The following MROH9 variants were observed in gnomAD, a reference collection of about 807,000 sequenced individuals.
The protein encoded by MROH9 is maestro heat like repeat family member 9, also known as maestro heat-like repeat-containing protein family member 9.
Under a neutral mutation model 98.2 loss-of-function variants are expected in MROH9, and 92 were observed. The ratio of observed to expected loss-of-function variants is 0.94; its 90% CI spans 0.79 to 1.11. MROH9 has a LOEUF of 1.11. MROH9 is among the 50% of genes most tolerant of loss of function. The probability of loss-of-function intolerance (pLI) is 0.00; values close to 1 mark genes in which losing one functional copy is unlikely to be tolerated. For missense variants in MROH9, 1,057 were observed against 1,014.8 expected, an observed-to-expected ratio of 1.04 and a Z score of -0.57; for synonymous variants, 397 against 368.9, an observed-to-expected ratio of 1.08 and a Z score of -0.87.
At chr1:171,014,597 C>T (rs1163104557) in intron 16 of MROH9, among the ~76,000 whole-genome samples, 2 of 152,118 alleles carry the variant, frequency 1.3e-5, no homozygotes, top group Non-Finnish European at 2.9e-5. Context: ...CACACTAATT[C>T]CTATCTCAGA....
At chr1:171,020,503 T>C (rs993942043) in intron 17 of MROH9, among the ~76,000 whole-genome samples, 1 of 152,076 alleles carries the variant, frequency 6.6e-6, no homozygotes, top group Non-Finnish European at 1.5e-5. Context: ...ACAGAACCAA[T>C]GACAAAAACC....
chr1:170,967,219 C>T (rs1298430461), intron 7 of MROH9, among the ~76,000 whole-genome samples: 3 of 152,132 alleles, frequency 2.0e-5, no homozygotes, highest in African/African-American at 4.8e-5. Flanking sequence ...ACCTATTACT[C>T]GGTTCTGCAA....
At chr1:170,995,796 A>G (rs1254567900) in intron 13 of MROH9, among the ~76,000 whole-genome samples, 1 of 152,168 alleles carries the variant, frequency 6.6e-6, no homozygotes, top group Admixed American at 6.6e-5. Flanking sequence ...CACACTGCCT[A>G]TCAGATCAGT....
At chr1:171,062,734 G>A (rs1393114829) in intron 21 of MROH9, among the ~76,000 whole-genome samples, 3 of 152,186 alleles carry the variant, frequency 2.0e-5, no homozygotes. Context: ...CGTCCCATCA[G>A]GGTAAGAATT....
intron 20 of MROH9, among the ~76,000 whole-genome samples, chr1:171,045,320 C>T (rs1204801335): frequency 1.3e-5 from 2 of 151,908 alleles, no homozygotes; most frequent in East Asian, 3.9e-4. Flanking sequence ...TTTATTATTT[C>T]TTTTCTTTTA....
intron 17 of MROH9, among the ~76,000 whole-genome samples, chr1:171,022,475 A>C (rs181173030): frequency 1.3e-3 from 202 of 152,340 alleles, no homozygotes; most frequent in African/African-American, 4.7e-3. Context: ...GGAAGCCATC[A>C]TTCTCAGCAA....
intron 10 of MROH9, among the ~76,000 whole-genome samples, chr1:170,987,369 C>G (rs149351511): frequency 6.6e-6 from 1 of 152,170 alleles, no homozygotes; most frequent in African/African-American, 2.4e-5. Flanking sequence ...TCTCAGCTTG[C>G]GTAGAGCTGG....
intron 15 of MROH9, among the ~76,000 whole-genome samples, chr1:171,003,071 C>T: frequency 6.6e-6 from 1 of 152,052 alleles, no homozygotes; most frequent in East Asian, 1.9e-4. Flanking sequence ...TTGCATTTGT[C>T]TCCAAAATTT....
intron 9 of MROH9, among the ~76,000 whole-genome samples, chr1:170,984,018 G>A (rs1489985497): frequency 1.3e-5 from 2 of 152,304 alleles, no homozygotes; most frequent in East Asian, 3.9e-4. Flanking sequence ...TACCAAGTAA[G>A]TAGTTTTTAC....
intron 3 of MROH9, among the ~76,000 whole-genome samples, chr1:170,950,949 G>A (rs927278516): frequency 2.6e-5 from 4 of 151,166 alleles, no homozygotes; most frequent in African/African-American, 7.3e-5. Context: ...TTATATCATC[G>A]AATTGGTTTT....
chr1:170,957,631 G>A (rs1206876175), intron 3 of MROH9, among the ~76,000 whole-genome samples: 1 of 151,844 alleles, frequency 6.6e-6, no homozygotes, highest in Non-Finnish European at 1.5e-5. Flanking sequence ...GATTGTTTTG[G>A]CTATTGGAGG....
At chr1:170,965,115 T>C (rs751005252) in intron 6 of MROH9, 36 bp from the exon 7 acceptor site, 11 of 1,483,890 alleles carry the variant, frequency 7.4e-6, no homozygotes, top group Non-Finnish European at 1.0e-5. Flanking sequence ...AAATGGAAAT[T>C]TCATGGTTCT....
chr1:170,951,904 A>G (rs1649567275), intron 3 of MROH9, among the ~76,000 whole-genome samples: 1 of 152,186 alleles, frequency 6.6e-6, no homozygotes, highest in Admixed American at 6.6e-5. Flanking sequence ...AATGGGTTAC[A>G]GCAGCCATGG....
chr1:171,047,747 A>G (rs975225407), intron 20 of MROH9, among the ~76,000 whole-genome samples: 1 of 152,042 alleles, frequency 6.6e-6, no homozygotes, highest in African/African-American at 2.4e-5. Context: ...GGCATTGAAG[A>G]CTTAGGTATT....
At chr1:171,024,346 A>C (rs1166839690) in intron 17 of MROH9, 49 bp from the exon 18 acceptor site, 3 of 1,458,482 alleles carry the variant, frequency 2.1e-6, no homozygotes, top group Non-Finnish European at 2.8e-6. Context: ...TACTGATTGA[A>C]GAAAAAAGCC....
chr1:170,961,089 T>C (rs900676047), intron 5 of MROH9, among the ~76,000 whole-genome samples: 1 of 152,204 alleles, frequency 6.6e-6, no homozygotes, highest in African/African-American at 2.4e-5. Flanking sequence ...GCACTTAAAA[T>C]AGCAATTACT....
chr1:171,033,557 TC>T (rs1294497438), intron 20 of MROH9, among the ~76,000 whole-genome samples: 11 of 152,144 alleles, frequency 7.2e-5, no homozygotes, highest in Non-Finnish European at 1.5e-4. Flanking sequence ...ACACTGTTCT[TC>T]CTTCTCTCTG....
intron 20 of MROH9, among the ~76,000 whole-genome samples, chr1:171,038,425 C>G (rs77200101): frequency 1.3e-5 from 2 of 152,238 alleles, no homozygotes; most frequent in East Asian, 3.9e-4. Context: ...ATTACTTTCT[C>G]TAAGAAGAAC....
intron 7 of MROH9, among the ~76,000 whole-genome samples, chr1:170,970,753 A>G (rs1465911554): frequency 2.1e-5 from 3 of 141,422 alleles, no homozygotes; most frequent in African/African-American, 7.4e-5. Context: ...AGAGAGAGAG[A>G]GAGAGAGAGA....
Sources: gnomAD v4.1 joint callset for allele counts (sites outside exome capture counted in the v4.1 genomes callset) on GRCh38, gnomAD v4.1.1 for gene constraint, MANE v1.5 for transcripts, NCBI Gene and HGNC (gene_info 2026-07-23, HGNC 2026-07-21) for gene names.